The following TPP2 variants were observed in gnomAD, a reference collection of about 807,000 sequenced individuals.
TPP2 encodes the protein tripeptidyl-peptidase 2.
Under a neutral mutation model 155.9 loss-of-function variants are expected in TPP2, and 34 were observed. That is an observed-to-expected ratio of 0.22 (90% CI 0.17 to 0.29). The LOEUF (loss-of-function observed/expected upper bound fraction) is 0.29, where lower values mean the gene tolerates loss of function less well. Among genes scored for constraint, TPP2 ranks in the 10% least tolerant of loss-of-function variants. TPP2 has a pLI of 1.00. For synonymous variants in TPP2, 510 were observed against 529.4 expected (o/e 0.96, Z 0.50); for missense variants, 1,028 against 1,522.3 (o/e 0.68, Z 5.40).
At chr13:102,637,436 C>T (rs1882453384) in intron 14 of TPP2, among the ~76,000 whole-genome samples, 197 bp downstream of exon 14, 1 of 152,130 alleles carries the variant, frequency 6.6e-6, no homozygotes, top group South Asian at 2.1e-4. Flanking sequence ...CATATTTTGT[C>T]CTTGTATGAA....
chr13:102,616,170 T>C (rs1880707327), intron 3 of TPP2, among the ~76,000 whole-genome samples: 1 of 152,186 alleles, frequency 6.6e-6, no homozygotes, highest in Admixed American at 6.5e-5. Flanking sequence ...TTGGCCAGGC[T>C]GGTCTCGAAC....
chr13:102,644,960 G>A lies in TPP2; in HGVS notation c.2344G>A (p.Glu782Lys). ...RFDVQSSLKY[E>K]DLAPCITLKN... ...TGATGTTCAGTCCTCCTTGAAATAC[G>A]AAGATCTGGCTCCCTGCATAACTTT... is the stretch of plus-strand genomic sequence containing the variant. Residue 782 changes from glutamate (E) to lysine (K), a missense_variant, in exon 19 of 30, where the codon GAA (glutamate) becomes AAA (lysine). By Grantham distance (56) the Glu-to-Lys change is moderately conservative. Transcript: ENST00000376052. 1 of 1,614,030 alleles carries A rather than the reference G, an allele frequency of 6.2e-7. No homozygotes were observed.
chr13:102,627,764 A>G (rs1881738122), intron 7 of TPP2, 84 bp from the exon 8 acceptor site: 3 of 934,842 alleles, frequency 3.2e-6, no homozygotes. Context: ...AAGAAACTAT[A>G]GGATTATATA....
chr13:102,640,640 AATTT>A (rs1882693674), intron 16 of TPP2, among the ~76,000 whole-genome samples: 1 of 129,534 alleles, frequency 7.7e-6, no homozygotes, highest in South Asian at 2.4e-4. Context: ...ACCTGGTAAT[AATTT>A]TTTTTTTTTT....
intron 29 of TPP2, among the ~76,000 whole-genome samples, chr13:102,676,662 G>C (rs1205684669): frequency 2.0e-5 from 3 of 152,086 alleles, no homozygotes; most frequent in African/African-American, 7.2e-5. Context: ...TTTCAACAAG[G>C]GCAAATGCAT....
intron 2 of TPP2, chr13:102,607,584 T>A (rs1879937315): frequency 2.5e-6 from 1 of 395,484 alleles, no homozygotes. Flanking sequence ...ACTCGAGCAT[T>A]TATTTATTTA....
At chr13:102,647,080 A>T in intron 20 of TPP2, 127 bp from the exon 21 acceptor site, 1 of 1,237,864 alleles carries the variant, frequency 8.1e-7, no homozygotes, top group Non-Finnish European at 1.1e-6. Flanking sequence ...ATATTTTCAA[A>T]ATTTTTTACC....
At chr13:102,616,331 T>A in intron 3 of TPP2, 65 bp from the exon 4 acceptor site, 1 of 1,291,148 alleles carries the variant, frequency 7.7e-7, no homozygotes, top group South Asian at 1.3e-5. Context: ...CACATATAAA[T>A]GCCTGTCTAG....
At chr13:102,627,727 A>G (rs1246767780) in intron 7 of TPP2, 121 bp from the exon 8 acceptor site, 2 of 681,086 alleles carry the variant, frequency 2.9e-6, no homozygotes, top group Non-Finnish European at 5.0e-6. Flanking sequence ...GCCTGGAGGT[A>G]ACTTATAAAT....
chr13:102,597,022 T>G lies in TPP2; in HGVS notation c.-17T>G. On this transcript the variant is annotated 5_prime_UTR_variant, in exon 1 of 30. Transcript: ENST00000376052. Reference sequence around the variant, plus strand: ...AGCCTGGCAGTTTGCCGCTTCCTCGTCCTCCATCCTGCGTCCATGGCCACC... The same window carrying G: ...AGCCTGGCAGTTTGCCGCTTCCTCGGCCTCCATCCTGCGTCCATGGCCACC... The G allele has an allele frequency of 6.2e-7, 1 of 1,610,440 alleles. No homozygotes were observed. Among genetic ancestry groups the G allele is most frequent in the Non-Finnish European group, 8.5e-7 (1 of 1,178,910 alleles).
At chr13:102,638,417 A>T (rs1882533844) in intron 15 of TPP2, 102 bp downstream of exon 15, 1 of 1,269,210 alleles carries the variant, frequency 7.9e-7, no homozygotes, top group Non-Finnish European at 1.1e-6. Context: ...AGAACCAGGT[A>T]ATGGGGATTT....
chr13:102,614,489 C>A (rs1029318210), intron 3 of TPP2, among the ~76,000 whole-genome samples: 2 of 152,182 alleles, frequency 1.3e-5, no homozygotes, highest in African/African-American at 2.4e-5. Flanking sequence ...ATAGCTTTCA[C>A]TGGATTTTTG....
In TPP2 at chr13:102,618,139, G is replaced by A. The variant is rs1456218865; in HGVS notation, c.496-583G>A. On this transcript the variant is annotated intron_variant, in intron 4 of 29. Transcript: ENST00000376052. ...ACCTGCTAGTGCCAGTTGTTGTCTA[G>A]TGTGTACGTAATCGAATTTAAAGCA... 2.0e-5 allele frequency among the ~76,000 whole-genome samples: 3 copies of A among 152,164 alleles called. No individual in the cohort carries two copies. The East Asian group carries it at 5.8e-4, about 29-fold the overall frequency.
chr13:102,618,590 A>G (rs1880922795), intron 4 of TPP2, 132 bp from the exon 5 acceptor site: 1 of 1,193,848 alleles, frequency 8.4e-7, no homozygotes, highest in Non-Finnish European at 1.1e-6. Flanking sequence ...CATAGATAGA[A>G]CAAAATTTTC....
At chr13:102,623,517 C>T (rs918590486) in intron 6 of TPP2, among the ~76,000 whole-genome samples, 4 of 152,132 alleles carry the variant, frequency 2.6e-5, no homozygotes, top group Admixed American at 6.5e-5. Context: ...GAGCCGAGAT[C>T]GTGCCATTGC....
At chr13:102,633,075 T>C (rs1282885830) in intron 10 of TPP2, among the ~76,000 whole-genome samples, 3 of 152,224 alleles carry the variant, frequency 2.0e-5, no homozygotes. Flanking sequence ...GGAGATGGTA[T>C]AAGGAGAGTC....
intron 27 of TPP2, among the ~76,000 whole-genome samples, chr13:102,665,161 A>C (rs1884507532): frequency 6.6e-6 from 1 of 152,184 alleles, no homozygotes; most frequent in South Asian, 2.1e-4. Context: ...AGTGCTGTCA[A>C]GGTAGAGGGA....
rs112582752 is a variant in TPP2, at chr13:102,638,184, C to T, written c.1837-55C>T. On this transcript the variant is annotated intron_variant, in intron 14 of 29. Transcript: ENST00000376052. ...TCTGTCAGTAGTTTAGACCTTCCCC[C>T]GCTCTTTTAAACATTTGTTTATGGA... The T allele has an allele frequency of 1.3e-4, 192 of 1,516,298 alleles. 1 individual carries two copies. The African/African-American group carries it at 1.8e-3, about 14-fold the overall frequency. 93.9% of individuals were successfully genotyped at this position (1,516,298 alleles called of 1,614,324 possible).
intron 27 of TPP2, among the ~76,000 whole-genome samples, chr13:102,667,434 T>C (rs598646): frequency 6.6e-6 from 1 of 152,088 alleles, no homozygotes; most frequent in Non-Finnish European, 1.5e-5. Flanking sequence ...TCTACTCTTA[T>C]GAAACTTATC....
Sources: gnomAD v4.1 joint callset for allele counts (sites outside exome capture counted in the v4.1 genomes callset) on GRCh38, gnomAD v4.1.1 for gene constraint, MANE v1.5 for transcripts, NCBI Gene and HGNC (gene_info 2026-07-23, HGNC 2026-07-21) for gene names.